The following ORC2 variants were observed in gnomAD, a reference collection of about 807,000 sequenced individuals.
ORC2 encodes the protein origin recognition complex protein 2 homolog.
A neutral mutation model predicts 77.7 loss-of-function variants in ORC2; 37 were observed. The ratio of observed to expected loss-of-function variants is 0.48; its 90% CI spans 0.37 to 0.63. The LOEUF is 0.63. Ranked by LOEUF, ORC2 falls within the 20% of genes least tolerant of loss-of-function variation. The pLI is 0.00. For synonymous variants in ORC2, 201 were observed against 229.5 expected (o/e 0.88, Z 1.12); for missense variants, 557 against 661.9 (o/e 0.84, Z 1.74).
chr2:200,929,061 C>G (rs200423222), intron 11 of ORC2, among the ~76,000 whole-genome samples: 1 of 151,964 alleles, frequency 6.6e-6, no homozygotes, highest in Non-Finnish European at 1.5e-5. Context: ...AAGCAATTCT[C>G]CTGCCTCACC....
At chr2:200,920,080 A>G (rs1274587532) in intron 15 of ORC2, 142 bp downstream of exon 15, 1 of 526,108 alleles carries the variant, frequency 1.9e-6, no homozygotes, top group Non-Finnish European at 3.2e-6. Context: ...CCTACTCCAT[A>G]ATCCAGTACT....
chr2:200,942,645 C>A, intron 6 of ORC2, 40 bp downstream of exon 6: 1 of 1,077,730 alleles, frequency 9.3e-7, no homozygotes. Flanking sequence ...CTTGAAGCAA[C>A]TATGAAAATT....
chr2:200,960,197 C>G (rs2041546517), intron 1 of ORC2, among the ~76,000 whole-genome samples: 1 of 151,914 alleles, frequency 6.6e-6, no homozygotes, highest in Non-Finnish European at 1.5e-5. Flanking sequence ...AGGCTTGTCT[C>G]AAACCTTTGG....
chr2:200,946,939 G>C (rs2041260739), intron 5 of ORC2, among the ~76,000 whole-genome samples: 1 of 152,078 alleles, frequency 6.6e-6, no homozygotes, highest in African/African-American at 2.4e-5. Context: ...GTCTCTTTCT[G>C]TCACCCAGGC....
intron 13 of ORC2, among the ~76,000 whole-genome samples, chr2:200,922,242 T>C (rs2040773347): frequency 6.6e-6 from 1 of 151,552 alleles, no homozygotes. Context: ...GATGGAGCTG[T>C]TGACACTATC....
Position 200,933,725 on chromosome 2 carries a change from T to A in ORC2, c.807+151A>T, listed in dbSNP as rs570477098. On this transcript the variant is annotated intron_variant, in intron 10 of 17. Coordinates refer to ENST00000234296, the MANE Select transcript of ORC2 (RefSeq NM_006190.5). ...GTGCCCGGCCTATTTACTATTTATA[T>A]AATAAAAGAAGTAATAATCACATTA... 7.6e-4 allele frequency: 378 copies of A among 497,706 alleles called. 1 individual carries two copies. The highest frequency in any genetic ancestry group is 2.5e-3 in the South Asian group (75 of 30,368). 30.8% of individuals were successfully genotyped at this position (497,706 alleles called of 1,614,324 possible). A position where few individuals can be genotyped will look rare whatever the true frequency, so the allele number is the denominator to read the frequency against.
chr2:200,948,631 C>T (rs938053901), intron 5 of ORC2, among the ~76,000 whole-genome samples: 4 of 152,028 alleles, frequency 2.6e-5, no homozygotes, highest in Admixed American at 2.0e-4. Flanking sequence ...GGCACAATCT[C>T]GGCTCACTGC....
intron 15 of ORC2, 106 bp from the exon 16 acceptor site, chr2:200,914,098 G>A (rs900395211): frequency 2.6e-5 from 17 of 650,016 alleles, no homozygotes; most frequent in African/African-American, 9.5e-5. Flanking sequence ...TGGCCTATCC[G>A]CATTATCTTC....
intron 13 of ORC2, among the ~76,000 whole-genome samples, chr2:200,922,855 A>T (rs2040782884): frequency 6.6e-6 from 1 of 152,230 alleles, no homozygotes. Flanking sequence ...TGCTTCTGTT[A>T]TTCTTTAAGT....
At chr2:200,930,018 T>C (rs2040911387) in intron 11 of ORC2, among the ~76,000 whole-genome samples, 1 of 151,170 alleles carries the variant, frequency 6.6e-6, no homozygotes, top group Non-Finnish European at 1.5e-5. Context: ...GAGGTATGGG[T>C]TGGAGGTTAA....
At chr2:200,941,495 T>TAAAAAA (rs762042280) in intron 6 of ORC2, among the ~76,000 whole-genome samples, 2 of 105,070 alleles carry the variant, frequency 1.9e-5, no homozygotes, top group African/African-American at 3.4e-5. Flanking sequence ...AATTAAAAAT[T>TAAAAAA]AAAAAAAAAA....
At position 200,917,893 on chromosome 2, in the gene ORC2, A is replaced by AG. The variant is rs558161352; in HGVS notation, c.1466+2328dup. Among the ~76,000 whole-genome samples the AG allele has an allele frequency of 2.9e-3, 443 of 151,278 alleles. 1 individual carries two copies. The highest frequency in any genetic ancestry group is 5.5e-3 in the Admixed American group (84 of 15,198). ...AAAAATAAATGGAAAATAAATTGCTAGGGGGGGTTAAAAAAAAAAAAGATA... is the reference window on the plus strand; with the variant it reads ...AAAAATAAATGGAAAATAAATTGCTAGGGGGGGGTTAAAAAAAAAAAAGATA... On this transcript the variant is annotated intron_variant, in intron 15 of 17. Transcript: ENST00000234296.
intron 4 of ORC2, among the ~76,000 whole-genome samples, chr2:200,951,569 A>G (rs2041357759): frequency 6.6e-6 from 1 of 152,178 alleles, no homozygotes. Context: ...ATAGGTGTAT[A>G]GTGGTATCTC....
chr2:200,941,765 T>C (rs2041156182), intron 6 of ORC2, among the ~76,000 whole-genome samples: 1 of 152,080 alleles, frequency 6.6e-6, no homozygotes, highest in Admixed American at 6.6e-5. Context: ...GGCAGGAGGA[T>C]CGCTTGAGGT....
chr2:200,931,405 GA>G lies in ORC2; in HGVS notation c.850del (p.Ser284LeufsTer7). The G allele has an allele frequency of 6.5e-7, 1 of 1,540,118 alleles. No homozygotes were observed. Among genetic ancestry groups the G allele is most frequent in the East Asian group, 2.6e-5 (1 of 39,166 alleles). On this transcript the variant is annotated frameshift_variant, in exon 11 of 18. Transcript: ENST00000234296. LOFTEE classifies it high-confidence loss of function. ...NLLSKVSPSF[S>X]AELKQLNQQY... The stretch of plus-strand genomic sequence containing the variant: ...TTGATTTAGTTGTTTAAGTTCGGCA[GA>G]AAAGGAAGGGGAAACCTTGCTCAAT...
chr2:200,925,903 G>C lies in ORC2; in HGVS notation c.1080C>G (p.Leu360=), dbSNP rs200073772. Residue 360 remains leucine (L), a synonymous_variant, in exon 13 of 18, where the codon CTC becomes CTG. Transcript: ENST00000234296. The part of the protein sequence containing the change: ...SVLNSITEEV[L]DHMGTFRSIL... ...TACTGCGGAAAGTACCCATATGATC[G>C]AGGACTTCTTCTGTTATAGAATTCA... The C allele has an allele frequency of 6.3e-7, 1 of 1,590,446 alleles. No homozygotes were observed. The highest frequency in any genetic ancestry group is 2.2e-5 in the East Asian group (1 of 44,500).
chr2:200,957,623 T>C (rs968074583), intron 3 of ORC2, 79 bp from the exon 4 acceptor site: 5 of 1,063,912 alleles, frequency 4.7e-6, no homozygotes, highest in African/African-American at 1.7e-5. Flanking sequence ...GAAATTATAA[T>C]ATTTATATTG....
At position 200,935,898 on chromosome 2, in the gene ORC2, G is replaced by T. The variant is rs180743330; in HGVS notation, c.515-6C>A. On this transcript the variant is annotated splice_region_variant and splice_polypyrimidine_tract_variant and intron_variant, in intron 8 of 17. Transcript: ENST00000234296. ...GTCAGAATGAGACCTTGGAACTGTG[G>T]GGGGAAAAATAGCAATTTGGACAAT... 6.2e-7 allele frequency: 1 copy of T among 1,608,660 alleles called. No homozygotes were observed. The highest frequency in any genetic ancestry group is 8.5e-7 in the Non-Finnish European group (1 of 1,178,038).
intron 15 of ORC2, among the ~76,000 whole-genome samples, chr2:200,916,667 TTAGA>T (rs1359113271): frequency 6.6e-6 from 1 of 152,170 alleles, no homozygotes; most frequent in African/African-American, 2.4e-5. Context: ...AAAAATTTCA[TTAGA>T]TAACCATTTA....
Sources: gnomAD v4.1 joint callset for allele counts (sites outside exome capture counted in the v4.1 genomes callset) on GRCh38, gnomAD v4.1.1 for gene constraint, MANE v1.5 for transcripts, NCBI Gene and HGNC (gene_info 2026-07-23, HGNC 2026-07-21) for gene names.